The following COPZ1 variants were observed in gnomAD, a reference collection of about 807,000 sequenced individuals.
COPZ1 encodes the protein coat protein complex I subunit zeta 1.
In COPZ1, 4 loss-of-function variants were observed where a neutral mutation model predicts 31.7. The ratio of observed to expected loss-of-function variants is 0.13; its 90% confidence interval spans 0.06 to 0.29. The LOEUF is 0.29. Among genes scored for constraint, COPZ1 ranks in the 10% least tolerant of loss-of-function variants. The probability of loss-of-function intolerance (pLI) is 1.00; values close to 1 mark genes in which losing one functional copy is unlikely to be tolerated. For synonymous variants in COPZ1, 74 were observed against 79.0 expected, an observed-to-expected ratio of 0.94 and a Z score of 0.33; for missense variants, 156 against 211.5, an observed-to-expected ratio of 0.74 and a Z score of 1.63.
At chr12:54,342,425 T>C in intron 3 of COPZ1, 138 bp downstream of exon 3, 1 of 666,276 alleles carries the variant, frequency 1.5e-6, no homozygotes, top group Non-Finnish European at 2.6e-6. Flanking sequence ...TATAATAAAC[T>C]CTTCAGAATG....
At chr12:54,348,145 T>C in intron 7 of COPZ1, 94 bp downstream of exon 7, 1 of 1,044,136 alleles carries the variant, frequency 9.6e-7, no homozygotes, top group Non-Finnish European at 1.5e-6. Context: ...TTGGGGCTCA[T>C]AGGATACATA....
chr12:54,346,855 C>G (rs1178782989), intron 5 of COPZ1, among the ~76,000 whole-genome samples: 1 of 152,052 alleles, frequency 6.6e-6, no homozygotes, highest in African/African-American at 2.4e-5. Flanking sequence ...GACCCTGTCT[C>G]AAAAAACAAA....
In COPZ1 at chr12:54,338,878, A is replaced by G. The variant is rs1953919477; in HGVS notation, c.19-1669A>G. Among the ~76,000 whole-genome samples the G allele has an allele frequency of 2.6e-5, 4 of 152,310 alleles. No homozygotes were observed. The South Asian group carries it at 8.3e-4, about 32-fold the overall frequency. On this transcript the variant is annotated intron_variant, in intron 1 of 8. Coordinates refer to ENST00000262061, the MANE Select transcript of COPZ1 (RefSeq NM_016057.3). ...TGAACTGCCCTCCTCTGCCCCCGCAAACAGGGTTGATTCTTTGCATGGAAC... is the reference window on the plus strand; with the variant it reads ...TGAACTGCCCTCCTCTGCCCCCGCAGACAGGGTTGATTCTTTGCATGGAAC...
In COPZ1 at chr12:54,350,823, G is replaced by T. The variant is rs1482384535; in HGVS notation, c.*300G>T. ...CATGCTCCCTTGCCCTGACATTTTTGTAAATTCTGTGCCCTTTGCTGTAGC... is the reference window on the plus strand; with the variant it reads ...CATGCTCCCTTGCCCTGACATTTTTTTAAATTCTGTGCCCTTTGCTGTAGC... On this transcript the variant is annotated 3_prime_UTR_variant, in exon 9 of 9. Coordinates refer to ENST00000262061, the MANE Select transcript of COPZ1 (RefSeq NM_016057.3). 1.6e-5 allele frequency: 7 copies of T among 436,518 alleles called. No individual in the cohort carries two copies. The highest frequency in any genetic ancestry group is 7.0e-5 in the Admixed American group (2 of 28,488). The allele number at this position is 436,518 out of a possible 1,614,324, so 27.0% of individuals were successfully genotyped here.
At chr12:54,339,429 T>C (rs968097309) in intron 1 of COPZ1, among the ~76,000 whole-genome samples, 2 of 152,032 alleles carry the variant, frequency 1.3e-5, no homozygotes, top group African/African-American at 4.8e-5. Context: ...CTCAGCGTGG[T>C]CTTAAACTCC....
At chr12:54,329,445 T>TG (rs1486013398) in intron 1 of COPZ1, among the ~76,000 whole-genome samples, 1 of 152,028 alleles carries the variant, frequency 6.6e-6, no homozygotes, top group Non-Finnish European at 1.5e-5. Context: ...TAGCTGGGCG[T>TG]GGTGGCATGC....
intron 1 of COPZ1, 170 bp downstream of exon 1, chr12:54,325,351 G>GC: frequency 1.1e-6 from 1 of 899,092 alleles, no homozygotes; most frequent in Non-Finnish European, 1.6e-6. Context: ...TAAAGCCTTG[G>GC]TTTAGAGTAG....
At position 54,343,207 on chromosome 12, in the gene COPZ1, C is replaced by G. The variant is rs1170735425; in HGVS notation, c.170-18C>G. The G allele has an allele frequency of 6.2e-7, 1 of 1,603,722 alleles. No individual in the cohort carries two copies. Among genetic ancestry groups the G allele is most frequent in the East Asian group, 2.2e-5 (1 of 44,838 alleles). On this transcript the variant is annotated intron_variant, in intron 3 of 8. Transcript: ENST00000262061. ...TATCTCAAGCCACCCACTATTTTTACTTTTTTTCCCCCACCAGGTGAAATT... is the reference window on the plus strand; with the variant it reads ...TATCTCAAGCCACCCACTATTTTTAGTTTTTTTCCCCCACCAGGTGAAATT...
At chr12:54,342,992 G>T (rs2137106156) in intron 3 of COPZ1, among the ~76,000 whole-genome samples, 1 of 151,846 alleles carries the variant, frequency 6.6e-6, no homozygotes, top group South Asian at 2.1e-4. Context: ...GAGTAGCAGG[G>T]ATTACAGGTG....
intron 1 of COPZ1, chr12:54,337,187 C>T: frequency 1.9e-6 from 1 of 533,350 alleles, no homozygotes; most frequent in Non-Finnish European, 3.9e-6. Context: ...CCCAATCTCC[C>T]ACAAAACAAT....
chr12:54,325,421 C>T lies in COPZ1; in HGVS notation c.18+240C>T, dbSNP rs796412574. The T allele has an allele frequency of 2.3e-5, 13 of 575,992 alleles. 1 individual carries two copies. In the African/African-American group the frequency reaches 2.4e-4, roughly 11 times the overall value. The allele number at this position is 575,992 out of a possible 1,614,324, so 35.7% of individuals were successfully genotyped here. On this transcript the variant is annotated intron_variant, in intron 1 of 8. Transcript: ENST00000262061. Reference sequence around the variant, plus strand: ...GAAAGTTGAAGGCAGCACATGGACTCCTTAGGATACACAGACCTGTAGGCG... The same window carrying T: ...GAAAGTTGAAGGCAGCACATGGACTTCTTAGGATACACAGACCTGTAGGCG...
intron 1 of COPZ1, among the ~76,000 whole-genome samples, chr12:54,336,680 T>C (rs966835695): frequency 6.6e-6 from 1 of 150,978 alleles, no homozygotes; most frequent in Non-Finnish European, 1.5e-5. Flanking sequence ...CTCTATGCGC[T>C]AGGGGAGAGA....
At chr12:54,333,811 C>T (rs528904459) in intron 1 of COPZ1, among the ~76,000 whole-genome samples, 9 of 152,240 alleles carry the variant, frequency 5.9e-5, no homozygotes, top group South Asian at 2.1e-4. Context: ...CAGTTCTTCC[C>T]GAGTCATGTG....
rs1442504861 is a variant in COPZ1 at position 54,345,466 on chromosome 12, C to T, written c.268C>T (p.Leu90Phe). 3.1e-6 allele frequency: 5 copies of T among 1,613,004 alleles called. No individual in the cohort carries two copies. The highest frequency in any genetic ancestry group is 2.2e-5 in the East Asian group (1 of 44,892). ...IGSSYENELMLMAVLNCLFDS... is the reference protein window; with the variant it reads ...IGSSYENELMFMAVLNCLFDS... ...CTCCTCTGTTTCCCAACAGCTGATG[C>T]TTATGGCTGTTCTGAACTGTCTCTT... is the stretch of plus-strand genomic sequence containing the variant. Residue 90 changes from leucine to phenylalanine, a missense_variant, in exon 5 of 9, where the codon CTT (leucine) becomes TTT (phenylalanine). Leu to Phe is a conservative substitution (Grantham distance 22). Transcript: ENST00000262061.
intron 3 of COPZ1, among the ~76,000 whole-genome samples, chr12:54,342,853 CTTT>C (rs11321130): frequency 1.9e-4 from 18 of 94,588 alleles, no homozygotes; most frequent in Middle Eastern, 4.8e-3. Flanking sequence ...GTAACGCCTT[CTTT>C]TTTTTTTTTT....
intron 1 of COPZ1, among the ~76,000 whole-genome samples, chr12:54,327,066 C>T (rs542896294): frequency 5.7e-5 from 8 of 139,232 alleles, no homozygotes; most frequent in South Asian, 4.6e-4. Flanking sequence ...CTGCAACCTC[C>T]GCCTCCCAGA....
rs1302850590 is a variant in COPZ1 at position 54,349,631 on chromosome 12, C to A, written c.459C>A (p.Val153=). 6.2e-7 allele frequency: 1 copy of A among 1,612,916 alleles called. No homozygotes were observed. The highest frequency in any genetic ancestry group is 1.1e-5 in the South Asian group (1 of 91,042). The change falls in exon 8 of 9, where the codon GTC becomes GTA. Residue 153 remains valine (V), a synonymous_variant. Coordinates refer to ENST00000262061, the MANE Select transcript of COPZ1 (RefSeq NM_016057.3). ...VHRVALRGED[V]PLTEQTVSQV... Reference sequence around the variant, plus strand: ...TCTCTGTGCCATAGGGTGAAGATGTCCCCCTTACGGAGCAGACCGTGTCTC... The same window carrying A: ...TCTCTGTGCCATAGGGTGAAGATGTACCCCTTACGGAGCAGACCGTGTCTC...
At chr12:54,334,000 C>T (rs1196063954) in intron 1 of COPZ1, among the ~76,000 whole-genome samples, 3 of 151,914 alleles carry the variant, frequency 2.0e-5, no homozygotes, top group East Asian at 3.9e-4. Context: ...GGAGGCTGAA[C>T]GGGGAGGATC....
intron 1 of COPZ1, among the ~76,000 whole-genome samples, chr12:54,334,371 A>G (rs1279022971): frequency 6.6e-6 from 1 of 151,808 alleles, no homozygotes; most frequent in Non-Finnish European, 1.5e-5. Context: ...CAGTGAGCCA[A>G]GATCACGCCA....
Sources: gnomAD v4.1 joint callset for allele counts (sites outside exome capture counted in the v4.1 genomes callset) on GRCh38, gnomAD v4.1.1 for gene constraint, MANE v1.5 for transcripts, NCBI Gene and HGNC (gene_info 2026-07-23, HGNC 2026-07-21) for gene names.